Variants in C10orf90 observed in about 807,000 individuals in gnomAD.
C10orf90 encodes chromosome 10 open reading frame 90, also known as (E2-independent) E3 ubiquitin-conjugating enzyme FATS.
In C10orf90, 56 loss-of-function variants were observed where a neutral mutation model predicts 62.5. The ratio of observed to expected loss-of-function variants is 0.90; its 90% CI spans 0.72 to 1.12. The LOEUF is 1.12. C10orf90 is among the 50% of genes most tolerant of loss of function. C10orf90 has a pLI of 0.00. For missense variants in C10orf90, 970 were observed against 880.4 expected, an observed-to-expected ratio of 1.10 and a Z score of -1.29; for synonymous variants, 386 against 340.4, an observed-to-expected ratio of 1.13 and a Z score of -1.47.
intron 2 of C10orf90, among the ~76,000 whole-genome samples, chr10:126,587,169 G>C (rs890578328): frequency 6.6e-6 from 1 of 152,164 alleles, no homozygotes; most frequent in Non-Finnish European, 1.5e-5. Context: ...AGGCCTTACT[G>C]TTCCCAGGCA....
intron 4 of C10orf90, among the ~76,000 whole-genome samples, chr10:126,485,666 C>T (rs942471717): frequency 6.6e-6 from 1 of 151,828 alleles, no homozygotes; most frequent in Non-Finnish European, 1.5e-5. Context: ...AATGGCCGGG[C>T]GTGGTGGCTT....
At chr10:126,472,915 G>A (rs1453318991) in intron 4 of C10orf90, among the ~76,000 whole-genome samples, 1 of 152,126 alleles carries the variant, frequency 6.6e-6, no homozygotes, top group Non-Finnish European at 1.5e-5. Context: ...CCTCATCTGA[G>A]GGTACTGAGC....
intron 2 of C10orf90, among the ~76,000 whole-genome samples, chr10:126,634,453 G>A (rs563256459): frequency 9.9e-5 from 15 of 152,282 alleles, no homozygotes; most frequent in African/African-American, 3.4e-4. Flanking sequence ...GGTTACCAGA[G>A]CTGGAAGGCA....
rs777839265 is a variant in C10orf90 at position 126,513,844 on chromosome 10, T to C, written c.405+4A>G. The stretch of plus-strand genomic sequence containing the variant: ...CTATTCTAGAAGTTAGAAATGTATG[T>C]TACCTTGGTGAAGTCAGATTTTGCC... On this transcript the variant is annotated splice_donor_region_variant and intron_variant, in intron 3 of 9. Coordinates refer to ENST00000488181, the MANE Select transcript of C10orf90 (RefSeq NM_001350921.2). The C allele has an allele frequency of 1.3e-6, 2 of 1,584,306 alleles. No homozygotes were observed. The highest frequency in any genetic ancestry group is 1.7e-6 in the Non-Finnish European group (2 of 1,153,770).
chr10:126,596,744 C>T (rs905015347), intron 2 of C10orf90, among the ~76,000 whole-genome samples: 2 of 152,034 alleles, frequency 1.3e-5, no homozygotes, highest in Non-Finnish European at 2.9e-5. Flanking sequence ...TATGGGTACC[C>T]GAAGTATAGT....
chr10:126,651,399 T>C (rs1009621389), intron 1 of C10orf90, among the ~76,000 whole-genome samples: 1 of 152,204 alleles, frequency 6.6e-6, no homozygotes, highest in Non-Finnish European at 1.5e-5. Context: ...TCATACATTT[T>C]ATTAATTAAG....
At chr10:126,666,638 G>A (rs1846632687) in intron 1 of C10orf90, among the ~76,000 whole-genome samples, 1 of 152,170 alleles carries the variant, frequency 6.6e-6, no homozygotes, top group South Asian at 2.1e-4. Context: ...GGCCCACTGA[G>A]TCACAATGGC....
At chr10:126,577,121 C>T (rs1319754611) in intron 2 of C10orf90, among the ~76,000 whole-genome samples, 1 of 151,744 alleles carries the variant, frequency 6.6e-6, no homozygotes, top group Non-Finnish European at 1.5e-5. Flanking sequence ...TATGTTATAT[C>T]ATTTTAAATA....
intron 8 of C10orf90, 46 bp from the exon 9 acceptor site, chr10:126,426,136 G>A (rs1371769007): frequency 1.3e-6 from 2 of 1,497,740 alleles, no homozygotes; most frequent in Middle Eastern, 1.7e-4. Context: ...TTGACAGCGT[G>A]CTCCCGCTGT....
intron 4 of C10orf90, among the ~76,000 whole-genome samples, chr10:126,497,174 G>A (rs1454763854): frequency 3.3e-5 from 5 of 152,154 alleles, no homozygotes; most frequent in Non-Finnish European, 7.3e-5. Context: ...GACCAGCACA[G>A]GAGCACCTGT....
chr10:126,461,469 C>G lies in C10orf90; in HGVS notation c.1942G>C (p.Gly648Arg). ...APSPAPRDGAGSPGLSEDCSE... is the reference protein window; with the variant it reads ...APSPAPRDGARSPGLSEDCSE... ...CAGTCTTCGGACAGGCCAGGGCTCCCTGCTCCATCGCGGGGTGCTGGCGAG... is the reference window on the plus strand; with the variant it reads ...CAGTCTTCGGACAGGCCAGGGCTCCGTGCTCCATCGCGGGGTGCTGGCGAG... Residue 648 changes from glycine (G) to arginine (R), a missense_variant, in exon 6 of 10, where the codon GGG becomes CGG. By Grantham distance (125) the Gly-to-Arg change is moderately radical. Coordinates refer to ENST00000488181, the MANE Select transcript of C10orf90 (RefSeq NM_001350921.2). 6.2e-7 allele frequency: 1 copy of G among 1,614,204 alleles called. No individual in the cohort carries two copies. The highest frequency in any genetic ancestry group is 8.5e-7 in the Non-Finnish European group (1 of 1,180,024).
At chr10:126,569,721 G>C (rs1283746877) in intron 2 of C10orf90, among the ~76,000 whole-genome samples, 1 of 152,124 alleles carries the variant, frequency 6.6e-6, no homozygotes, top group South Asian at 2.1e-4. Flanking sequence ...GGGTGTCTAT[G>C]GCCAATCTAT....
intron 2 of C10orf90, among the ~76,000 whole-genome samples, chr10:126,525,017 C>A (rs894241646): frequency 6.6e-6 from 1 of 152,206 alleles, no homozygotes; most frequent in Non-Finnish European, 1.5e-5. Context: ...AATTGGGATG[C>A]TTCTGTGGAC....
At chr10:126,571,275 G>A (rs145242366) in intron 2 of C10orf90, among the ~76,000 whole-genome samples, 73 of 152,292 alleles carry the variant, frequency 4.8e-4, no homozygotes, top group Non-Finnish European at 6.3e-4. Flanking sequence ...TTCTTGACCC[G>A]GCAGGGGGCT....
chr10:126,643,388 G>A (rs1023240410), intron 2 of C10orf90, among the ~76,000 whole-genome samples: 12 of 152,168 alleles, frequency 7.9e-5, no homozygotes, highest in Admixed American at 7.2e-4. Context: ...CTAGACAGAA[G>A]GACCTCTGTG....
intron 4 of C10orf90, among the ~76,000 whole-genome samples, chr10:126,492,680 A>G (rs1314353315): frequency 6.6e-6 from 1 of 152,252 alleles, no homozygotes; most frequent in Non-Finnish European, 1.5e-5. Context: ...AGAACATTCA[A>G]TATCTTTCTG....
At chr10:126,570,121 T>C (rs1039029228) in intron 2 of C10orf90, among the ~76,000 whole-genome samples, 1 of 152,214 alleles carries the variant, frequency 6.6e-6, no homozygotes, top group Non-Finnish European at 1.5e-5. Context: ...AGCTCTGCGC[T>C]GATCGTATTC....
At chr10:126,426,168 G>C in intron 8 of C10orf90, 78 bp from the exon 9 acceptor site, 1 of 1,152,048 alleles carries the variant, frequency 8.7e-7, no homozygotes. Flanking sequence ...CTGTCTTGAC[G>C]GCAGGCTCTT....
chr10:126,580,931 CCT>C (rs1463016117), intron 2 of C10orf90, among the ~76,000 whole-genome samples: 1 of 106,930 alleles, frequency 9.4e-6, no homozygotes, highest in Non-Finnish European at 1.9e-5. Flanking sequence ...TCAGTTCTCC[CCT>C]GTGTTCTTGG....
Sources: allele counts gnomAD v4.1 joint callset (sites outside exome capture counted in the v4.1 genomes callset), GRCh38; gene constraint gnomAD v4.1.1; transcripts MANE v1.5; gene names NCBI Gene and HGNC (gene_info 2026-07-23, HGNC 2026-07-21).